The following RABGAP1L variants were observed in gnomAD, a reference collection of about 807,000 sequenced individuals.
RABGAP1L encodes rab GTPase-activating protein 1-like.
In RABGAP1L, 63 loss-of-function variants were observed where a neutral mutation model predicts 137.7. The ratio of observed to expected loss-of-function variants is 0.46; its 90% CI spans 0.37 to 0.56. The LOEUF (loss-of-function observed/expected upper bound fraction) is 0.56. Among genes scored for constraint, RABGAP1L ranks in the 20% least tolerant of loss-of-function variants. The pLI, the probability that RABGAP1L is intolerant of heterozygous loss-of-function variation, is 0.00. For missense variants in RABGAP1L, 1,095 were observed against 1,244.0 expected, an observed-to-expected ratio of 0.88 and a Z score of 1.80; for synonymous variants, 431 against 433.7, an observed-to-expected ratio of 0.99 and a Z score of 0.08.
intron 1 of RABGAP1L, among the ~76,000 whole-genome samples, chr1:174,188,831 C>T (rs1002516990): frequency 6.6e-6 from 1 of 152,134 alleles, no homozygotes; most frequent in African/African-American, 2.4e-5. Flanking sequence ...ACAGCACAGG[C>T]AGAGTAGATT....
intron 1 of RABGAP1L, among the ~76,000 whole-genome samples, chr1:174,181,328 CTTTCTTTT>C (rs1430441434): frequency 6.8e-6 from 1 of 147,346 alleles, no homozygotes; most frequent in Non-Finnish European, 1.5e-5. Context: ...ATACAAGGGT[CTTTCTTTT>C]TTTCTTTTTT....
At chr1:174,893,360 G>C (rs1321918743) in intron 19 of RABGAP1L, among the ~76,000 whole-genome samples, 1 of 151,744 alleles carries the variant, frequency 6.6e-6, no homozygotes, top group Admixed American at 6.6e-5. Context: ...AATTATGTGG[G>C]GTGACTATTA....
intron 13 of RABGAP1L, among the ~76,000 whole-genome samples, chr1:174,441,180 C>T (rs923131450): frequency 2.6e-5 from 4 of 151,448 alleles, no homozygotes; most frequent in Non-Finnish European, 4.4e-5. Context: ...ATGATTCCTC[C>T]TAGATATTTT....
At chr1:174,169,839 C>T (rs1210536897) in intron 1 of RABGAP1L, among the ~76,000 whole-genome samples, 1 of 136,106 alleles carries the variant, frequency 7.3e-6, no homozygotes, top group African/African-American at 2.9e-5. Flanking sequence ...GACTATAGGA[C>T]TGTACCCACC....
intron 19 of RABGAP1L, among the ~76,000 whole-genome samples, chr1:174,904,648 C>A (rs922044011): frequency 6.6e-6 from 1 of 151,722 alleles, no homozygotes; most frequent in Non-Finnish European, 1.5e-5. Flanking sequence ...TTCTTTTTTT[C>A]TTTTCTTTTT....
intron 13 of RABGAP1L, among the ~76,000 whole-genome samples, chr1:174,496,490 C>A (rs1660742551): frequency 6.6e-6 from 1 of 152,160 alleles, no homozygotes; most frequent in South Asian, 2.1e-4. Flanking sequence ...AGCCTATAAA[C>A]AGAGCATGGA....
intron 19 of RABGAP1L, among the ~76,000 whole-genome samples, chr1:174,861,414 A>C (rs904420186): frequency 6.6e-6 from 1 of 152,152 alleles, no homozygotes; most frequent in Non-Finnish European, 1.5e-5. Context: ...TCTGCAGCGA[A>C]TGTAGGAGTG....
At chr1:174,257,868 G>T (rs1673255184) in intron 7 of RABGAP1L, among the ~76,000 whole-genome samples, 1 of 152,180 alleles carries the variant, frequency 6.6e-6, no homozygotes, top group Admixed American at 6.5e-5. Context: ...ATGTATACTT[G>T]TGGAATGGCT....
At chr1:174,200,549 G>A (rs967392493) in intron 1 of RABGAP1L, among the ~76,000 whole-genome samples, 2 of 152,164 alleles carry the variant, frequency 1.3e-5, no homozygotes, top group African/African-American at 4.8e-5. Context: ...ATCAGTTGGG[G>A]AGATTGTTGA....
At chr1:174,516,166 C>CACACACACACAT (rs1553319718) in intron 13 of RABGAP1L, among the ~76,000 whole-genome samples, 155 of 149,862 alleles carry the variant, frequency 1.0e-3, no homozygotes, top group African/African-American at 3.6e-3. Flanking sequence ...CACACACACA[C>CACACACACACAT]GCTTTGAGAT....
At chr1:174,196,551 T>G (rs1005162492) in intron 1 of RABGAP1L, among the ~76,000 whole-genome samples, 5 of 151,698 alleles carry the variant, frequency 3.3e-5, no homozygotes, top group Non-Finnish European at 5.9e-5. Context: ...TCTGGGAAAA[T>G]TTTTTGAGTT....
Position 174,667,916 on chromosome 1 carries a change from G to A in RABGAP1L, c.1825-15606G>A, listed in dbSNP as rs900663657. On this transcript the variant is annotated intron_variant, in intron 14 of 25. Coordinates refer to ENST00000681986, the MANE Select transcript of RABGAP1L (RefSeq NM_001366446.1). Reference sequence around the variant, plus strand: ...TTACTAAGCACAGTGTTTGATATACGATAGGTGCTCAGTAAATACTCAATT... The same window carrying A: ...TTACTAAGCACAGTGTTTGATATACAATAGGTGCTCAGTAAATACTCAATT... Among the ~76,000 whole-genome samples, 5 of 152,078 alleles carry A rather than the reference G, an allele frequency of 3.3e-5. No individual in the cohort carries two copies. The South Asian group carries it at 6.2e-4, about 19-fold the overall frequency.
chr1:174,356,226 C>T (rs916620422), intron 11 of RABGAP1L, among the ~76,000 whole-genome samples: 23 of 151,882 alleles, frequency 1.5e-4, no homozygotes, highest in African/African-American at 5.1e-4. Flanking sequence ...TTTTTTTCCC[C>T]TGGTGTGGTT....
At chr1:174,202,056 G>A (rs1335921875) in intron 1 of RABGAP1L, among the ~76,000 whole-genome samples, 1 of 151,838 alleles carries the variant, frequency 6.6e-6, no homozygotes, top group Non-Finnish European at 1.5e-5. Flanking sequence ...ATCATTGTTG[G>A]ACATTTGGGT....
chr1:174,833,449 G>GAT (rs760181639), intron 19 of RABGAP1L, among the ~76,000 whole-genome samples: 653 of 27,818 alleles, frequency 0.023, 112 homozygotes, highest in African/African-American at 0.036. Flanking sequence ...TGTGTGTAGA[G>GAT]ATATATATAT....
intron 13 of RABGAP1L, among the ~76,000 whole-genome samples, chr1:174,560,142 A>C (rs578045389): frequency 6.6e-6 from 1 of 152,246 alleles, no homozygotes; most frequent in South Asian, 2.1e-4. Flanking sequence ...TCAGAAAAAA[A>C]AAAAAAAAGT....
intron 11 of RABGAP1L, among the ~76,000 whole-genome samples, chr1:174,326,637 T>C (rs1163008387): frequency 6.6e-6 from 1 of 152,096 alleles, no homozygotes; most frequent in South Asian, 2.1e-4. Flanking sequence ...GATAGAAAGC[T>C]TTTTCAAAGA....
chr1:174,847,254 A>T (rs1010368019), intron 19 of RABGAP1L, among the ~76,000 whole-genome samples: 1 of 151,682 alleles, frequency 6.6e-6, no homozygotes, highest in South Asian at 2.1e-4. Flanking sequence ...TTATGTGTGA[A>T]TTTGATCCTG....
rs1020557862 is a variant in RABGAP1L, at chr1:174,761,371, G to T, written c.2211+9017G>T. ...GCGCTCCTCACTTGCCAGACAGTGCGGGGGCCAGGGAGAGGCACTCCTCAC... is the reference window on the plus strand; with the variant it reads ...GCGCTCCTCACTTGCCAGACAGTGCTGGGGCCAGGGAGAGGCACTCCTCAC... On this transcript the variant is annotated intron_variant, in intron 18 of 25. Coordinates refer to ENST00000681986, the MANE Select transcript of RABGAP1L (RefSeq NM_001366446.1). This position sits in a 1 kb window ranked among gnomAD's most constrained non-coding sequence, Gnocchi z 4.0. Among the ~76,000 whole-genome samples, 1 of 151,884 alleles carries T rather than the reference G, an allele frequency of 6.6e-6. No individual in the cohort carries two copies. The highest frequency in any genetic ancestry group is 1.5e-5 in the Non-Finnish European group (1 of 67,956).
Sources: gnomAD v4.1 joint callset for allele counts (sites outside exome capture counted in the v4.1 genomes callset) on GRCh38, gnomAD v4.1.1 for gene constraint, Gnocchi (gnomAD v3.1) non-coding constraint, MANE v1.5 for transcripts, NCBI Gene and HGNC (gene_info 2026-07-23, HGNC 2026-07-21) for gene names.